C1QTNF7: variants seen among roughly 807,000 people sequenced by gnomAD.
C1QTNF7 encodes complement C1q tumor necrosis factor-related protein 7.
A neutral mutation model predicts 19.6 loss-of-function variants in C1QTNF7; 15 were observed. The observed-to-expected ratio is 0.76, with a 90% confidence interval of 0.51 to 1.18. C1QTNF7 has a LOEUF of 1.18. Among genes scored for constraint, C1QTNF7 ranks in the 50% most tolerant of loss-of-function variants. The pLI is 0.00. For synonymous variants in C1QTNF7, 142 were observed against 137.5 expected, an observed-to-expected ratio of 1.03 and a Z score of -0.23; for missense variants, 324 against 359.7, an observed-to-expected ratio of 0.90 and a Z score of 0.80.
chr4:15,417,599 A>G (rs1719645965), intron 1 of C1QTNF7, among the ~76,000 whole-genome samples: 1 of 152,218 alleles, frequency 6.6e-6, no homozygotes, highest in African/African-American at 2.4e-5. Flanking sequence ...CAGCATAGTG[A>G]GAACCTGTCT....
chr4:15,424,709 C>T (rs192578515), upstream of C1QTNF7, among the ~76,000 whole-genome samples: 33 of 152,302 alleles, frequency 2.2e-4, no homozygotes, highest in African/African-American at 7.7e-4. Context: ...TACCTTGATG[C>T]CTCTCTTCAA....
intron 1 of C1QTNF7, among the ~76,000 whole-genome samples, chr4:15,418,625 T>A (rs1161128479): frequency 2.0e-5 from 3 of 152,178 alleles, no homozygotes; most frequent in African/African-American, 7.2e-5. Flanking sequence ...TCAATCTCTT[T>A]CACCAACCCC....
intron 1 of C1QTNF7, among the ~76,000 whole-genome samples, chr4:15,398,945 C>G (rs552857156): frequency 1.3e-5 from 2 of 152,104 alleles, no homozygotes; most frequent in Non-Finnish European, 2.9e-5. Context: ...TGATTCTTCC[C>G]TTGGGATGGG....
intron 1 of C1QTNF7, among the ~76,000 whole-genome samples, chr4:15,382,751 T>TA (rs1256807667): frequency 7.9e-5 from 12 of 152,158 alleles, no homozygotes; most frequent in Admixed American, 2.0e-4. Context: ...CAGACTTTCT[T>TA]AAAAAAAGCC....
chr4:15,434,945 T>A (rs1399395007), intron 1 of C1QTNF7, among the ~76,000 whole-genome samples: 1 of 152,176 alleles, frequency 6.6e-6, no homozygotes, highest in East Asian at 1.9e-4. Context: ...GTACCCCAAT[T>A]AACACTAATT....
intron 1 of C1QTNF7, among the ~76,000 whole-genome samples, chr4:15,391,635 G>A (rs1291210095): frequency 6.6e-6 from 1 of 152,028 alleles, no homozygotes; most frequent in Non-Finnish European, 1.5e-5. Flanking sequence ...ATCTCCAAAG[G>A]GGGAGTAAAA....
chr4:15,429,352 C>T (rs1695934184), intron 1 of C1QTNF7, among the ~76,000 whole-genome samples: 1 of 152,216 alleles, frequency 6.6e-6, no homozygotes, highest in Non-Finnish European at 1.5e-5. Flanking sequence ...TCTTCCCAAA[C>T]TGAAACTCTC....
chr4:15,375,627 A>C (rs569040743), intron 1 of C1QTNF7, among the ~76,000 whole-genome samples: 91 of 152,296 alleles, frequency 6.0e-4, no homozygotes, highest in African/African-American at 2.2e-3. Context: ...AGGAACTTGA[A>C]TGTCCATTTT....
intron 1 of C1QTNF7, among the ~76,000 whole-genome samples, chr4:15,388,231 T>C (rs1457877132): frequency 2.6e-5 from 4 of 151,630 alleles, no homozygotes; most frequent in African/African-American, 4.8e-5. Flanking sequence ...TAAAGGAGAG[T>C]TGGATGTAAA....
At chr4:15,425,535 C>A (rs1200701019), upstream of C1QTNF7, among the ~76,000 whole-genome samples, 2 of 151,910 alleles carry the variant, frequency 1.3e-5, no homozygotes, top group African/African-American at 4.8e-5. Context: ...CCCAGGGCAC[C>A]CATGGAGAGG....
intron 1 of C1QTNF7, among the ~76,000 whole-genome samples, chr4:15,365,740 G>A (rs1388376521): frequency 6.6e-6 from 1 of 151,958 alleles, no homozygotes; most frequent in Non-Finnish European, 1.5e-5. Context: ...TGTTGACTTT[G>A]TCATACATGG....
At chr4:15,440,697 C>T (rs979273151) in intron 2 of C1QTNF7, among the ~76,000 whole-genome samples, 2 of 152,146 alleles carry the variant, frequency 1.3e-5, no homozygotes, top group African/African-American at 2.4e-5. Context: ...TGAGTCACTG[C>T]ACCCAGCCCA....
rs57165725 is a variant in C1QTNF7 at position 15,431,015 on chromosome 4, T to C, written c.-9+2909T>C. 2.8e-3 allele frequency among the ~76,000 whole-genome samples: 428 copies of C among 152,120 alleles called. 1 individual carries two copies. Among genetic ancestry groups the C allele is most frequent in the African/African-American group, 9.9e-3 (410 of 41,466 alleles). ...CAAACTGGGGGAAATTATTTGCTGCTCATGTCATAAGCCATTTGTAGATTA... is the reference window on the plus strand; with the variant it reads ...CAAACTGGGGGAAATTATTTGCTGCCCATGTCATAAGCCATTTGTAGATTA... On this transcript the variant is annotated intron_variant, in intron 1 of 2. Transcript: ENST00000444304.
chr4:15,424,135 G>A (rs1040014482), upstream of C1QTNF7, among the ~76,000 whole-genome samples: 1 of 152,038 alleles, frequency 6.6e-6, no homozygotes, highest in Non-Finnish European at 1.5e-5. Context: ...CCAGTTACAT[G>A]AACAATTTTA....
At chr4:15,362,616 C>T (rs577778520) in intron 1 of C1QTNF7, 51 of 152,310 alleles carry the variant, frequency 3.3e-4, no homozygotes, top group African/African-American at 1.2e-3. Flanking sequence ...TCTTCCTCTT[C>T]CCCCATTAAT....
At chr4:15,422,917 A>G (rs565726232) in intron 1 of C1QTNF7, among the ~76,000 whole-genome samples, 3 of 152,272 alleles carry the variant, frequency 2.0e-5, no homozygotes, top group Admixed American at 2.0e-4. Flanking sequence ...CCAACTTTCT[A>G]TAAGTTTTTA....
chr4:15,360,263 C>T (rs1356538962), intron 1 of C1QTNF7, among the ~76,000 whole-genome samples: 1 of 152,114 alleles, frequency 6.6e-6, no homozygotes, highest in African/African-American at 2.4e-5. Context: ...AGCTAATTCT[C>T]ACTATTCACA....
At chr4:15,438,367 T>C (rs1712621239) in intron 2 of C1QTNF7, among the ~76,000 whole-genome samples, 1 of 152,200 alleles carries the variant, frequency 6.6e-6, no homozygotes, top group African/African-American at 2.4e-5. Context: ...GTTTTTAATA[T>C]GGCTGTAACT....
chr4:15,428,634 C>T (rs1712163091), intron 1 of C1QTNF7, among the ~76,000 whole-genome samples: 1 of 152,098 alleles, frequency 6.6e-6, no homozygotes, highest in Admixed American at 6.5e-5. Flanking sequence ...GAGGTTAATT[C>T]ATGGCAAACA....
Sources: allele counts gnomAD v4.1 joint callset (sites outside exome capture counted in the v4.1 genomes callset), GRCh38; gene constraint gnomAD v4.1.1; transcripts MANE v1.5; gene names NCBI Gene and HGNC (gene_info 2026-07-23, HGNC 2026-07-21).